The following CELF2 variants were observed in gnomAD, a reference collection of about 807,000 sequenced individuals.
CELF2 encodes CUGBP Elav-like family member 2.
Under a neutral mutation model 62.6 loss-of-function variants are expected in CELF2, and 8 were observed. The ratio of observed to expected loss-of-function variants is 0.13; its 90% confidence interval spans 0.07 to 0.23. The LOEUF is 0.23. CELF2 is among the 10% of genes least tolerant of loss of function. CELF2 has a pLI of 1.00. For synonymous variants in CELF2, 258 were observed against 250.0 expected, an observed-to-expected ratio of 1.03 and a Z score of -0.30; for missense variants, 333 against 671.0, an observed-to-expected ratio of 0.50 and a Z score of 5.56.
At chr10:10,644,069 T>G in the CELF2 span, among the ~76,000 whole-genome samples, 104 of 152,262 alleles carry the variant, frequency 6.8e-4, no homozygotes, top group African/African-American at 2.4e-3. Flanking sequence ...TGCCTTTGTT[T>G]TCTACCAGCT....
At position 11,224,206 on chromosome 10, in the gene CELF2, A is replaced by G. The variant is rs1368140609; in HGVS notation, c.354+6699A>G. Among the ~76,000 whole-genome samples, 1 of 152,190 alleles carries G rather than the reference A, an allele frequency of 6.6e-6. No individual in the cohort carries two copies. Among genetic ancestry groups the G allele is most frequent in the East Asian group, 1.9e-4 (1 of 5,196 alleles). On this transcript the variant is annotated intron_variant, in intron 3 of 12. Coordinates refer to ENST00000633077, the MANE Select transcript of CELF2 (RefSeq NM_001326342.2). This position sits in a 1 kb window ranked among gnomAD's most constrained non-coding sequence, Gnocchi z 4.5. The stretch of plus-strand genomic sequence containing the variant: ...TGGAAGGCAATGTTTAGTTTTGCAA[A>G]CAACGTAGTCTCAGCTATATCCCTA...
At chr10:10,638,048 T>C in the CELF2 span, among the ~76,000 whole-genome samples, 5 of 152,170 alleles carry the variant, frequency 3.3e-5, no homozygotes, top group African/African-American at 1.2e-4. Context: ...CTCACTTCAA[T>C]TGGGGATACT....
At chr10:10,489,033 T>C in the CELF2 span, among the ~76,000 whole-genome samples, 1 of 152,054 alleles carries the variant, frequency 6.6e-6, no homozygotes, top group African/African-American at 2.4e-5. Flanking sequence ...TTCCATTAAA[T>C]ATCAATGTAA....
chr10:10,664,436 A>T, the CELF2 span, among the ~76,000 whole-genome samples: 7 of 152,256 alleles, frequency 4.6e-5, no homozygotes, highest in Admixed American at 1.3e-4. Flanking sequence ...GTGAAGCTAG[A>T]AAAATGCCCT....
At chr10:10,500,550 A>G in the CELF2 span, among the ~76,000 whole-genome samples, 5,110 of 152,212 alleles carry the variant, frequency 0.034, 145 homozygotes, top group African/African-American at 0.081. Flanking sequence ...CATGTAAGAC[A>G]TGCCTTTTGC....
rs553454306 is a variant in CELF2 at position 11,328,446 on chromosome 10, G to A, written c.1439-480G>A. Among the ~76,000 whole-genome samples the A allele has an allele frequency of 6.6e-6, 1 of 152,154 alleles. No individual in the cohort carries two copies. Among genetic ancestry groups the A allele is most frequent in the Non-Finnish European group, 1.5e-5 (1 of 68,032 alleles). ...AGGCTGGGGCTTGGCAGTATCTGCT[G>A]TTCTCCAGCCCTTCCCTTCCCGAGC... is the stretch of plus-strand genomic sequence containing the variant. On this transcript the variant is annotated intron_variant, in intron 12 of 12. Coordinates refer to ENST00000633077, the MANE Select transcript of CELF2 (RefSeq NM_001326342.2). This position sits in a 1 kb window ranked among gnomAD's most constrained non-coding sequence, Gnocchi z 6.4.
intron 1 of CELF2, among the ~76,000 whole-genome samples, chr10:11,122,132 A>G (rs1046643671): frequency 1.3e-5 from 2 of 152,196 alleles, no homozygotes; most frequent in African/African-American, 4.8e-5. Context: ...GTTGAATGGA[A>G]CATTCTTTTT....
the CELF2 span, among the ~76,000 whole-genome samples, chr10:10,514,626 G>A: frequency 4.6e-5 from 7 of 152,268 alleles, no homozygotes; most frequent in South Asian, 8.3e-4. Context: ...TTCAGACGTG[G>A]ATTCAGACGT....
chr10:10,905,095 T>A (rs761987564), intron 1 of CELF2, among the ~76,000 whole-genome samples: 1 of 152,230 alleles, frequency 6.6e-6, no homozygotes, highest in East Asian at 1.9e-4. Context: ...GCCTCAAGTT[T>A]CCACATCTGA....
chr10:10,761,913 T>C, the CELF2 span, among the ~76,000 whole-genome samples: 1 of 143,022 alleles, frequency 7.0e-6, no homozygotes, highest in Non-Finnish European at 1.5e-5. Context: ...ACCGTGTGTG[T>C]GTGTGTGTGT....
chr10:10,664,252 G>T, the CELF2 span, among the ~76,000 whole-genome samples: 5 of 152,182 alleles, frequency 3.3e-5, no homozygotes, highest in Non-Finnish European at 5.9e-5. Context: ...GTGAGATGAT[G>T]CAAGAAGAGA....
upstream of CELF2, among the ~76,000 whole-genome samples, chr10:11,014,940 T>G (rs1307844764): frequency 1.3e-5 from 2 of 152,202 alleles, no homozygotes; most frequent in East Asian, 1.9e-4. Flanking sequence ...AACTTCATTG[T>G]TCAGGACAGC....
At chr10:10,628,575 A>G in the CELF2 span, among the ~76,000 whole-genome samples, 2 of 152,210 alleles carry the variant, frequency 1.3e-5, no homozygotes, top group Non-Finnish European at 2.9e-5. Flanking sequence ...GTGTCTGACT[A>G]TAAGACTTTC....
chr10:11,335,837 T>C lies in CELF2; in HGVS notation c.*6784T>C, dbSNP rs890660921. On this transcript the variant is annotated 3_prime_UTR_variant, in exon 13 of 13. Transcript: ENST00000633077. This position sits in a 1 kb window ranked among gnomAD's most constrained non-coding sequence, Gnocchi z 5.0. ...ATTTTGGCACAAGACAAAATACTCA[T>C]GCTAAGCAAAGGAAGAGAAAGACAA... The C allele has an allele frequency of 1.3e-5, 2 of 152,240 alleles. No individual in the cohort carries two copies. The highest frequency in any genetic ancestry group is 1.5e-5 in the Non-Finnish European group (1 of 68,036). 9.4% of individuals were successfully genotyped at this position (152,240 alleles called of 1,614,324 possible).
At chr10:11,091,115 G>A (rs1050083881) in intron 1 of CELF2, among the ~76,000 whole-genome samples, 2 of 152,168 alleles carry the variant, frequency 1.3e-5, no homozygotes, top group African/African-American at 2.4e-5. Context: ...ACATAAAGCA[G>A]TAAGCCTATG....
At chr10:11,192,145 AC>A (rs1185643805) in intron 2 of CELF2, among the ~76,000 whole-genome samples, 3 of 152,104 alleles carry the variant, frequency 2.0e-5, no homozygotes, top group Non-Finnish European at 4.4e-5. Context: ...TGAGATTCAT[AC>A]CTACTGAGGA....
intron 2 of CELF2, among the ~76,000 whole-genome samples, chr10:10,994,352 A>G (rs1477251677): frequency 6.6e-6 from 1 of 152,204 alleles, no homozygotes; most frequent in Non-Finnish European, 1.5e-5. Flanking sequence ...TCATTGATGT[A>G]TTCAGAGAGG....
upstream of CELF2, chr10:11,005,254 GGGAGA>G: frequency 1.4e-6 from 2 of 1,455,194 alleles, no homozygotes; most frequent in Non-Finnish European, 1.8e-6. This position sits in a 1 kb window ranked among gnomAD's most constrained non-coding sequence, Gnocchi z 4.3. Flanking sequence ...CAGAGAGAGA[GGGAGA>G]GAGAGAGAGA....
intron 1 of CELF2, among the ~76,000 whole-genome samples, chr10:10,895,355 A>G (rs556083991): frequency 6.6e-6 from 1 of 152,328 alleles, no homozygotes; most frequent in East Asian, 1.9e-4. Flanking sequence ...GTTTGGTAGA[A>G]AGTAGAAATT....
Sources: allele counts gnomAD v4.1 joint callset (sites outside exome capture counted in the v4.1 genomes callset), GRCh38; gene constraint gnomAD v4.1.1; non-coding constraint Gnocchi (gnomAD v3.1); transcripts MANE v1.5; gene names NCBI Gene and HGNC (gene_info 2026-07-23, HGNC 2026-07-21).